Variants in BSN observed in about 807,000 individuals in gnomAD.
BSN encodes the protein bassoon presynaptic cytomatrix protein, also known as protein bassoon.
Under a neutral mutation model 264.8 loss-of-function variants are expected in BSN, and 57 were observed. The observed-to-expected ratio is 0.22, with a 90% CI of 0.17 to 0.27. The LOEUF (loss-of-function observed/expected upper bound fraction) is 0.27, where lower values mean the gene tolerates loss of function less well. Ranked by LOEUF, BSN falls within the 10% of genes least tolerant of loss-of-function variation. BSN has a pLI of 1.00. For synonymous variants in BSN, 2,059 were observed against 2,137.3 expected, an observed-to-expected ratio of 0.96 and a Z score of 1.01; for missense variants, 4,615 against 5,232.5, an observed-to-expected ratio of 0.88 and a Z score of 3.64.
chr3:49,652,799 G>A lies in BSN; in HGVS notation c.3243G>A (p.Leu1081=). 2 of 1,554,428 alleles carry A rather than the reference G, an allele frequency of 1.3e-6. No individual in the cohort carries two copies. Among genetic ancestry groups the A allele is most frequent in the Non-Finnish European group, 1.7e-6 (2 of 1,148,996 alleles). The change falls in exon 5 of 12, where the codon CTG becomes CTA. Residue 1081 remains leucine (L), a synonymous_variant. Coordinates refer to ENST00000296452, the MANE Select transcript of BSN (RefSeq NM_003458.4). ...ARKTRRDKEE[L]RAQRRRERSK... is the part of the protein sequence containing the mutation. Reference sequence around the variant, plus strand: ...AGACCCGGCGGGACAAGGAAGAACTGCGGGCCCAGCGGAGGCGAGAGCGCT... The same window carrying A: ...AGACCCGGCGGGACAAGGAAGAACTACGGGCCCAGCGGAGGCGAGAGCGCT...
intron 1 of BSN, 59 bp from the exon 2 acceptor site, chr3:49,624,916 C>T (rs1297330630): frequency 6.2e-6 from 9 of 1,454,842 alleles, no homozygotes; most frequent in Non-Finnish European, 8.2e-6. Context: ...TTGGTAGAGA[C>T]CTCCGCAAGC....
chr3:49,572,790 C>T (rs34427167), intron 1 of BSN, among the ~76,000 whole-genome samples: 43,651 of 152,106 alleles, frequency 0.29, 6,810 homozygotes, highest in Middle Eastern at 0.31. Flanking sequence ...GCCTAAGCCT[C>T]CCAAGGTGCT....
chr3:49,636,528 A>G (rs184515004), intron 2 of BSN, among the ~76,000 whole-genome samples: 3 of 152,292 alleles, frequency 2.0e-5, no homozygotes, highest in Admixed American at 2.0e-4. Flanking sequence ...GCAGAGAGAC[A>G]GATGTGTCCA....
In BSN at chr3:49,663,354, C is replaced by T. The variant is rs1263812995; in HGVS notation, c.11196C>T (p.Pro3732=). ...KKGSRQAHSG[P]AALQSKAEPQ... is the part of the protein sequence containing the mutation. ...GCTCCCGGCAAGCCCACTCCGGGCC[C>T]GCTGCACTGCAGTCAAAGGCAGAAC... Residue 3732 remains proline, a synonymous_variant, in exon 7 of 12, where the codon CCC becomes CCT. Transcript: ENST00000296452. The T allele has an allele frequency of 2.5e-6, 4 of 1,613,526 alleles. No individual in the cohort carries two copies. Among genetic ancestry groups the T allele is most frequent in the Middle Eastern group, 1.6e-4 (1 of 6,062 alleles).
Position 49,643,108 on chromosome 3 carries a change from G to T in BSN, c.1474G>T (p.Val492Leu). The T allele has an allele frequency of 1.2e-6, 2 of 1,613,092 alleles. No individual in the cohort carries two copies. The highest frequency in any genetic ancestry group is 1.7e-6 in the Non-Finnish European group (2 of 1,179,476). ...CACATGCACCACCTGCAGGCTCCAG[G>T]TGTGCAACCTGTGTGGCTTCAACCC... ...YNTCTTCRLQ[V>L]CNLCGFNPTP... The change falls in exon 3 of 12, where the codon GTG (valine) becomes TTG (leucine). Residue 492 changes from valine (V) to leucine (L), a missense_variant. Coordinates refer to ENST00000296452, the MANE Select transcript of BSN (RefSeq NM_003458.4).
At chr3:49,647,253 C>T (rs1171681217) in intron 3 of BSN, among the ~76,000 whole-genome samples, 14 of 152,242 alleles carry the variant, frequency 9.2e-5, no homozygotes, top group Admixed American at 7.9e-4. Context: ...GCAGCTCTCA[C>T]GTGCCTAGAG....
rs552287234 is a variant in BSN at position 49,559,854 on chromosome 3, T to A, written c.224+5028T>A. 5.9e-5 allele frequency among the ~76,000 whole-genome samples: 9 copies of A among 152,326 alleles called. No individual in the cohort carries two copies. The South Asian group carries it at 1.9e-3, about 32-fold the overall frequency. ...TCAGATTCAAATTTTATTCTTTTGG[T>A]CAAGAAATTCTAGCTTTTTAAAAAA... On this transcript the variant is annotated intron_variant, in intron 1 of 11. Coordinates refer to ENST00000296452, the MANE Select transcript of BSN (RefSeq NM_003458.4).
intron 5 of BSN, among the ~76,000 whole-genome samples, chr3:49,659,706 G>GTAGGCAC (rs1028519533): frequency 8.5e-5 from 13 of 152,288 alleles, no homozygotes; most frequent in Admixed American, 4.6e-4. Context: ...GGACCCCATG[G>GTAGGCAC]TAGGCACTGT....
At chr3:49,632,277 T>C (rs748155353) in intron 2 of BSN, among the ~76,000 whole-genome samples, 2 of 152,156 alleles carry the variant, frequency 1.3e-5, no homozygotes, top group Non-Finnish European at 2.9e-5. Flanking sequence ...CAGTGGTTTC[T>C]TGGATATGAC....
chr3:49,580,604 A>G (rs1446812170), intron 1 of BSN, among the ~76,000 whole-genome samples: 1 of 151,496 alleles, frequency 6.6e-6, no homozygotes, highest in East Asian at 2.0e-4. Flanking sequence ...GACTACAGTC[A>G]TGCACCACCA....
intron 1 of BSN, among the ~76,000 whole-genome samples, chr3:49,587,887 T>TTTTTCTTTTTTC (rs2051947819): frequency 8.2e-6 from 1 of 121,598 alleles, no homozygotes; most frequent in Non-Finnish European, 1.7e-5. Context: ...AAAGTTGGGG[T>TTTTTCTTTTTTC]TTTTCTTTTC....
chr3:49,614,526 C>T (rs1357279186), intron 1 of BSN, among the ~76,000 whole-genome samples: 1 of 152,190 alleles, frequency 6.6e-6, no homozygotes, highest in East Asian at 1.9e-4. Flanking sequence ...TGTATACCTA[C>T]TGGTCTCTTT....
At position 49,585,647 on chromosome 3, in the gene BSN, C is replaced by T. The variant is rs558993938; in HGVS notation, c.224+30821C>T. On this transcript the variant is annotated intron_variant, in intron 1 of 11. Coordinates refer to ENST00000296452, the MANE Select transcript of BSN (RefSeq NM_003458.4). This position sits in a 1 kb window ranked among gnomAD's most constrained non-coding sequence, Gnocchi z 4.7. ...GCCGCCCCTGGGCGCTGCGTCTAAC[C>T]CCAATTTTTAGTTTTTTGAGAAACC... is the stretch of plus-strand genomic sequence containing the variant. 1.6e-4 allele frequency among the ~76,000 whole-genome samples: 25 copies of T among 152,344 alleles called. No homozygotes were observed. The South Asian group carries it at 4.4e-3, about 27-fold the overall frequency.
At position 49,660,157 on chromosome 3, in the gene BSN, G is replaced by A. The variant is rs527357469; in HGVS notation, c.8641-329G>A. On this transcript the variant is annotated intron_variant, in intron 5 of 11. Coordinates refer to ENST00000296452, the MANE Select transcript of BSN (RefSeq NM_003458.4). The surrounding 1 kb of genome is among the most constrained non-coding windows in gnomAD (Gnocchi z 7.1). ...CCTCAATGTGAGGCAGAGGGTGGCA[G>A]GCCCATTGGAGATGTGCAGGGGTTC... 6.6e-6 allele frequency among the ~76,000 whole-genome samples: 1 copy of A among 152,264 alleles called. No homozygotes were observed. Among genetic ancestry groups the A allele is most frequent in the East Asian group, 1.9e-4 (1 of 5,182 alleles).
rs1370104505 is a variant in BSN, at chr3:49,655,221, C to T, written c.5665C>T (p.Leu1889Phe). 3 of 1,612,962 alleles carry T rather than the reference C, an allele frequency of 1.9e-6. No individual in the cohort carries two copies. The highest frequency in any genetic ancestry group is 2.2e-5 in the East Asian group (1 of 44,900). The change falls in exon 5 of 12, where the codon CTT becomes TTT. Residue 1889 changes from leucine (L) to phenylalanine (F), a missense_variant. Transcript: ENST00000296452. The stretch of plus-strand genomic sequence containing the variant: ...AGAGGAGCCTGCGGGTGCCCTGGAC[C>T]TTACCGGGATGAGGCCTGAGAGCCA... ...LPEEPAGALD[L>F]TGMRPESQLA...
chr3:49,562,037 G>A (rs1302355126), intron 1 of BSN, among the ~76,000 whole-genome samples: 2 of 151,920 alleles, frequency 1.3e-5, no homozygotes, highest in South Asian at 2.1e-4. Context: ...TGAACTCCTG[G>A]CCTCAAGTGA....
At chr3:49,635,186 A>G (rs1312662568) in intron 2 of BSN, among the ~76,000 whole-genome samples, 1 of 152,194 alleles carries the variant, frequency 6.6e-6, no homozygotes, top group Non-Finnish European at 1.5e-5. Flanking sequence ...GTTGGGATGG[A>G]GACTTTTGTT....
rs1161981415 is a variant in BSN at position 49,605,494 on chromosome 3, TATATAATATATATTATATA to T, written c.225-19475_225-19457del. 1.6e-3 allele frequency among the ~76,000 whole-genome samples: 12 copies of T among 7,450 alleles called. 1 individual carries two copies. The highest frequency in any genetic ancestry group is 6.7e-3 in the African/African-American group (12 of 1,786). The allele number at this position is 7,450 out of a possible 152,430, so 4.9% of individuals were successfully genotyped here. ...AATATATATTATATAATATATATTA[TATATAATATATATTATATA>T]ATATATATATAATATATAATATATA... On this transcript the variant is annotated intron_variant, in intron 1 of 11. Transcript: ENST00000296452.
intron 1 of BSN, among the ~76,000 whole-genome samples, chr3:49,616,581 G>C (rs542192062): frequency 2.6e-5 from 4 of 152,290 alleles, no homozygotes; most frequent in African/African-American, 7.2e-5. Flanking sequence ...AACTGAAGGC[G>C]GTGGGGGGCA....
Sources: allele counts gnomAD v4.1 joint callset (sites outside exome capture counted in the v4.1 genomes callset), GRCh38; gene constraint gnomAD v4.1.1; non-coding constraint Gnocchi (gnomAD v3.1); transcripts MANE v1.5; gene names NCBI Gene and HGNC (gene_info 2026-07-23, HGNC 2026-07-21).